Variants in DCDC2 observed in about 807,000 individuals in gnomAD.
DCDC2 encodes doublecortin domain containing 2.
In DCDC2, 40 loss-of-function variants were observed where a neutral mutation model predicts 50.2. The observed-to-expected ratio is 0.80, with a 90% CI of 0.62 to 1.04. The LOEUF (loss-of-function observed/expected upper bound fraction) is 1.04. Among genes scored for constraint, DCDC2 ranks in the 50% least tolerant of loss-of-function variants. The pLI is 0.00. For synonymous variants in DCDC2, 234 were observed against 210.6 expected (o/e 1.11, Z -0.96); for missense variants, 570 against 581.9 (o/e 0.98, Z 0.21).
intron 7 of DCDC2, among the ~76,000 whole-genome samples, chr6:24,205,977 T>C (rs1761711222): frequency 6.6e-6 from 1 of 152,184 alleles, no homozygotes; most frequent in Non-Finnish European, 1.5e-5. Flanking sequence ...TGGTAATCTA[T>C]TACAATATTT....
the DCDC2 span, among the ~76,000 whole-genome samples, chr6:24,382,323 T>C: frequency 6.6e-6 from 1 of 152,140 alleles, no homozygotes; most frequent in African/African-American, 2.4e-5. Context: ...TGTTTTTCTG[T>C]TTCTCAGCTC....
intron 1 of DCDC2, among the ~76,000 whole-genome samples, chr6:24,354,268 G>A (rs559151018): frequency 9.2e-5 from 14 of 152,072 alleles, no homozygotes; most frequent in Non-Finnish European, 1.9e-4. Context: ...TCAACTTCAC[G>A]TGTAATATCA....
the DCDC2 span, among the ~76,000 whole-genome samples, chr6:24,371,180 G>A: frequency 1.7e-4 from 26 of 151,652 alleles, no homozygotes; most frequent in Admixed American, 7.9e-4. Flanking sequence ...AGGAGGCTGA[G>A]GCGGGAGAAT....
chr6:24,267,127 C>A (rs1763138425), intron 7 of DCDC2, among the ~76,000 whole-genome samples: 1 of 152,040 alleles, frequency 6.6e-6, no homozygotes, highest in South Asian at 2.1e-4. Context: ...CACGAAGATA[C>A]AGAGTAGAAT....
intron 2 of DCDC2, among the ~76,000 whole-genome samples, chr6:24,306,543 TAGACAGAC>T (rs1160445956): frequency 0.052 from 5,998 of 115,382 alleles, 169 homozygotes; most frequent in African/African-American, 0.088. Context: ...GATAGATAGA[TAGACAGAC>T]AGACAGACAG....
chr6:24,297,603 A>G (rs1162372583), intron 4 of DCDC2, among the ~76,000 whole-genome samples: 1 of 152,184 alleles, frequency 6.6e-6, no homozygotes, highest in Non-Finnish European at 1.5e-5. Flanking sequence ...ATGAATAGGT[A>G]TATCTGGCTG....
chr6:24,301,016 T>G (rs1230280947), intron 4 of DCDC2, among the ~76,000 whole-genome samples: 2 of 150,264 alleles, frequency 1.3e-5, no homozygotes, highest in African/African-American at 4.9e-5. Flanking sequence ...CCTAGGCAAA[T>G]AGTTTAAACT....
chr6:24,357,522 G>A lies in DCDC2; in HGVS notation c.229C>T (p.Leu77=). 1 of 1,613,570 alleles carries A rather than the reference G, an allele frequency of 6.2e-7. No homozygotes were observed. Among genetic ancestry groups the A allele is most frequent in the Non-Finnish European group, 8.5e-7 (1 of 1,180,024 alleles). ...TPRTGHRIRK[L]DQIQSGGNYV... ...TTGCCCCCGCTCTGGATCTGGTCTA[G>A]CTTCCGGATTCGGTGGCCAGTCCGC... Residue 77 remains leucine (L), a synonymous_variant, in exon 1 of 10, where the codon CTA becomes TTA. Transcript: ENST00000378454.
the DCDC2 span, among the ~76,000 whole-genome samples, chr6:24,380,918 T>C: frequency 6.6e-6 from 1 of 151,990 alleles, no homozygotes; most frequent in African/African-American, 2.4e-5. Context: ...AACCCATCTC[T>C]ACAAAAATTA....
At chr6:24,338,554 A>T (rs1760098557) in intron 2 of DCDC2, among the ~76,000 whole-genome samples, 1 of 152,092 alleles carries the variant, frequency 6.6e-6, no homozygotes, top group Admixed American at 6.5e-5. Context: ...TTTACCTCCA[A>T]CACATGGTCG....
intron 7 of DCDC2, among the ~76,000 whole-genome samples, chr6:24,219,528 AG>A (rs954132305): frequency 6.6e-6 from 1 of 152,240 alleles, no homozygotes; most frequent in African/African-American, 2.4e-5. Flanking sequence ...ACCCATTAGT[AG>A]ATGGTAACAT....
At chr6:24,239,020 G>A (rs1239582493) in intron 7 of DCDC2, among the ~76,000 whole-genome samples, 2 of 152,190 alleles carry the variant, frequency 1.3e-5, no homozygotes, top group African/African-American at 4.8e-5. Flanking sequence ...TTGTCATTCA[G>A]TGCCTTATCT....
At chr6:24,263,668 A>G (rs1215401633) in intron 7 of DCDC2, among the ~76,000 whole-genome samples, 1 of 152,240 alleles carries the variant, frequency 6.6e-6, no homozygotes, top group African/African-American at 2.4e-5. Context: ...AAGTTATTCG[A>G]AAATACACCC....
At chr6:24,254,169 C>A (rs1031150724) in intron 7 of DCDC2, among the ~76,000 whole-genome samples, 1 of 152,180 alleles carries the variant, frequency 6.6e-6, no homozygotes, top group African/African-American at 2.4e-5. Flanking sequence ...AATAATGCAA[C>A]TGGAGCTATC....
the DCDC2 span, among the ~76,000 whole-genome samples, chr6:24,381,128 T>C: frequency 6.6e-6 from 1 of 151,824 alleles, no homozygotes. Flanking sequence ...AAAAATTGTA[T>C]GCATTTAAGG....
intron 2 of DCDC2, among the ~76,000 whole-genome samples, chr6:24,349,743 C>T (rs1157394765): frequency 6.6e-6 from 1 of 152,150 alleles, no homozygotes; most frequent in African/African-American, 2.4e-5. Context: ...CCACCACTGA[C>T]ACAGGGAAAG....
intron 2 of DCDC2, among the ~76,000 whole-genome samples, chr6:24,342,539 G>C (rs1316134535): frequency 6.6e-6 from 1 of 152,148 alleles, no homozygotes; most frequent in East Asian, 1.9e-4. Context: ...CCTTAGATTA[G>C]AGCGCATTTT....
At chr6:24,367,878 T>C in the DCDC2 span, among the ~76,000 whole-genome samples, 1 of 152,236 alleles carries the variant, frequency 6.6e-6, no homozygotes, top group Non-Finnish European at 1.5e-5. Context: ...AGGCAGAATG[T>C]AAAATAATTA....
At position 24,310,035 on chromosome 6, in the gene DCDC2, C is replaced by A. The variant is rs150737270; in HGVS notation, c.349-7991G>T. 9.7e-3 allele frequency among the ~76,000 whole-genome samples: 1,473 copies of A among 151,984 alleles called. 27 individuals are homozygous for A. Among genetic ancestry groups the A allele is most frequent in the African/African-American group, 0.033 (1,363 of 41,448 alleles). On this transcript the variant is annotated intron_variant, in intron 2 of 9. Transcript: ENST00000378454. ...GGTTAAAACTATGGAAAAAGATATA[C>A]CAGATAAATATTAATCAAGTAAATT...
Sources: allele counts gnomAD v4.1 joint callset (sites outside exome capture counted in the v4.1 genomes callset), GRCh38; gene constraint gnomAD v4.1.1; transcripts MANE v1.5; gene names NCBI Gene and HGNC (gene_info 2026-07-23, HGNC 2026-07-21).